The following CEP83 variants were observed in gnomAD, a reference collection of about 807,000 sequenced individuals.
CEP83 encodes the protein centrosomal protein 83.
A neutral mutation model predicts 101.9 loss-of-function variants in CEP83; 70 were observed. That is an observed-to-expected ratio of 0.69 (90% CI 0.57 to 0.84). The LOEUF is 0.84. Ranked by LOEUF, CEP83 falls within the 40% of genes least tolerant of loss-of-function variation. The pLI, the probability that CEP83 is intolerant of heterozygous loss-of-function variation, is 0.00. For missense variants in CEP83, 715 were observed against 787.2 expected (o/e 0.91, Z 1.10); for synonymous variants, 264 against 267.9 (o/e 0.99, Z 0.14).
intron 2 of CEP83, among the ~76,000 whole-genome samples, chr12:94,423,457 C>CTTTTTTTTT (rs763433431): frequency 0.053 from 6,379 of 119,234 alleles, 231 homozygotes; most frequent in Non-Finnish European, 0.067. Flanking sequence ...TCTGGTTCAA[C>CTTTTTTTTT]TTTTTTTTTT....
intron 1 of CEP83, among the ~76,000 whole-genome samples, chr12:94,440,430 T>C (rs1047377465): frequency 2.0e-5 from 3 of 151,978 alleles, no homozygotes; most frequent in Non-Finnish European, 4.4e-5. Context: ...CTCAACCCCT[T>C]TTACAATAGC....
At chr12:94,424,255 C>A in intron 2 of CEP83, 2 of 1,614,178 alleles carry the variant, frequency 1.2e-6, no homozygotes, top group Non-Finnish European at 8.5e-7. Context: ...CATTCCTTGG[C>A]CAAGCCCGTC....
At chr12:94,323,639 C>T (rs1471694483) in intron 14 of CEP83, among the ~76,000 whole-genome samples, 3 of 152,232 alleles carry the variant, frequency 2.0e-5, no homozygotes, top group Non-Finnish European at 4.4e-5. Context: ...CACACACCAG[C>T]TGCTTCTAGT....
chr12:94,385,483 T>C (rs1190268974), intron 6 of CEP83, among the ~76,000 whole-genome samples: 1 of 152,174 alleles, frequency 6.6e-6, no homozygotes, highest in Non-Finnish European at 1.5e-5. Flanking sequence ...GGAGCCCTTG[T>C]TATTACCCAG....
chr12:94,274,249 G>A, the CEP83 span, among the ~76,000 whole-genome samples: 1 of 151,610 alleles, frequency 6.6e-6, no homozygotes, highest in Non-Finnish European at 1.5e-5. Flanking sequence ...GAGGTGGGAG[G>A]ATTGCCTGAG....
chr12:94,377,064 T>C (rs2061592005), intron 7 of CEP83, among the ~76,000 whole-genome samples: 2 of 152,078 alleles, frequency 1.3e-5, no homozygotes, highest in Admixed American at 1.3e-4. Flanking sequence ...AATGAAGACA[T>C]TTTGGCATTT....
intron 6 of CEP83, among the ~76,000 whole-genome samples, chr12:94,397,499 AAAAT>A (rs200305805): frequency 4.9e-4 from 50 of 101,658 alleles, no homozygotes; most frequent in African/African-American, 1.6e-3. Flanking sequence ...CTCCATCTCA[AAAAT>A]AATAATAATA....
downstream of CEP83, chr12:94,305,478 GTGGGAACCCTTC>G: frequency 1.9e-6 from 1 of 518,804 alleles, no homozygotes; most frequent in Non-Finnish European, 3.4e-6. Context: ...TGTGTATACC[GTGGGAACCCTTC>G]TGTAAATAGA....
chr12:94,277,535 C>A, the CEP83 span, among the ~76,000 whole-genome samples: 1 of 152,138 alleles, frequency 6.6e-6, no homozygotes, highest in Non-Finnish European at 1.5e-5. Flanking sequence ...GATGAGAAAG[C>A]GACATACACA....
chr12:94,376,274 C>A (rs2061529813), intron 7 of CEP83, among the ~76,000 whole-genome samples: 1 of 152,146 alleles, frequency 6.6e-6, no homozygotes, highest in South Asian at 2.1e-4. Flanking sequence ...TTATACACTT[C>A]TCTCACGACA....
chr12:94,322,846 C>T (rs2058806068), intron 14 of CEP83, among the ~76,000 whole-genome samples: 3 of 152,218 alleles, frequency 2.0e-5, no homozygotes, highest in Non-Finnish European at 4.4e-5. Flanking sequence ...GGAACTCTGT[C>T]CCAGGGTGGC....
chr12:94,297,059 A>G, the CEP83 span: 1 of 796,604 alleles, frequency 1.3e-6, no homozygotes, highest in Non-Finnish European at 2.1e-6. Context: ...GTAGCTATGG[A>G]GAGCTCAAGT....
In CEP83 at chr12:94,400,919, T is replaced by G. The variant is rs780444539; in HGVS notation, c.480A>C (p.Ser160=). Residue 160 remains serine, a synonymous_variant, in exon 6 of 17, where the codon TCA becomes TCC. Transcript: ENST00000397809. ...ACTCTTCCTTCTGGTGTTCAAATTC[T>G]GACTTGAGAAATGTATGTTCATAGC... ...KLRYEHTFLK[S]EFEHQKEEYA... 6.6e-7 allele frequency: 1 copy of G among 1,517,594 alleles called. No homozygotes were observed. The highest frequency in any genetic ancestry group is 1.4e-5 in the South Asian group (1 of 71,296). 94.0% of individuals were successfully genotyped at this position (1,517,594 alleles called of 1,614,324 possible). A position where few individuals can be genotyped will look rare whatever the true frequency, so the allele number is the denominator to read the frequency against.
the CEP83 span, among the ~76,000 whole-genome samples, chr12:94,285,166 C>T: frequency 3.3e-5 from 5 of 152,146 alleles, no homozygotes; most frequent in Admixed American, 6.5e-5. Flanking sequence ...CTAGAGAAGA[C>T]AGGAGGAGGA....
At chr12:94,290,242 C>T in the CEP83 span, among the ~76,000 whole-genome samples, 23,534 of 152,226 alleles carry the variant, frequency 0.15, 2,257 homozygotes, top group South Asian at 0.22. Context: ...TCCAGCTCTT[C>T]GTGGGGAGGA....
chr12:94,382,310 T>G (rs1263486470), intron 6 of CEP83, among the ~76,000 whole-genome samples: 6 of 151,836 alleles, frequency 4.0e-5, no homozygotes, highest in African/African-American at 1.4e-4. Context: ...AGCTCTTTGT[T>G]TCACTGATTT....
intron 11 of CEP83, among the ~76,000 whole-genome samples, chr12:94,360,203 T>C (rs187245530): frequency 9.9e-5 from 15 of 152,030 alleles, no homozygotes; most frequent in Admixed American, 9.2e-4. Flanking sequence ...GCTTTTCCCC[T>C]AAGAACTAGA....
In CEP83 at chr12:94,453,176, C is replaced by T. The variant is rs532244736; in HGVS notation, c.-155+6381G>A. Among the ~76,000 whole-genome samples, 27 of 152,280 alleles carry T rather than the reference C, an allele frequency of 1.8e-4. No homozygotes were observed. The South Asian group carries it at 5.6e-3, about 32-fold the overall frequency. On this transcript the variant is annotated intron_variant, in intron 1 of 16. Transcript: ENST00000397809. ...TTTCCTACCTTCTTTCTCCCCCTTCCTATTACATGCTGGTGTTCACAAGCT... is the reference window on the plus strand; with the variant it reads ...TTTCCTACCTTCTTTCTCCCCCTTCTTATTACATGCTGGTGTTCACAAGCT...
At chr12:94,274,155 T>TAAAAAAA in the CEP83 span, among the ~76,000 whole-genome samples, 313 of 45,368 alleles carry the variant, frequency 6.9e-3, 31 homozygotes, top group African/African-American at 0.035. Context: ...ACCCTGTCTC[T>TAAAAAAA]AAAAAAAAAA....
Sources: allele counts gnomAD v4.1 joint callset (sites outside exome capture counted in the v4.1 genomes callset), GRCh38; gene constraint gnomAD v4.1.1; transcripts MANE v1.5; gene names NCBI Gene and HGNC (gene_info 2026-07-23, HGNC 2026-07-21).